Variants in EPN1 observed in about 807,000 individuals in gnomAD.
EPN1 encodes the protein epsin-1.
Under a neutral mutation model 56.9 loss-of-function variants are expected in EPN1, and 25 were observed. That is an observed-to-expected ratio of 0.44 (90% CI 0.32 to 0.61). EPN1 has a LOEUF of 0.61. Among genes scored for constraint, EPN1 ranks in the 20% least tolerant of loss-of-function variants. The probability of loss-of-function intolerance (pLI) is 0.05; values close to 1 mark genes in which losing one functional copy is unlikely to be tolerated. For missense variants in EPN1, 785 were observed against 823.7 expected (o/e 0.95, Z 0.58); for synonymous variants, 411 against 361.8 (o/e 1.14, Z -1.54).
At chr19:55,693,941 C>T (rs187134109) in intron 9 of EPN1, among the ~76,000 whole-genome samples, 69 of 152,210 alleles carry the variant, frequency 4.5e-4, no homozygotes, top group African/African-American at 1.5e-3. Context: ...TCAGGCCAGG[C>T]GCAATGGCTC....
rs1258093376 is a variant in EPN1 at position 55,708,341 on chromosome 19, TTG to T, written c.*12989_*12990del. The stretch of plus-strand genomic sequence containing the variant: ...AATTATGACAATGAAGTGTTTAATA[TTG>T]TGTTTTGAAATATAAACAGTGTAGA... On this transcript the variant is annotated 3_prime_UTR_variant, in exon 11 of 11. Coordinates refer to ENST00000270460, the MANE Select transcript of EPN1 (RefSeq NM_001130072.2). 3 of 152,240 alleles carry T rather than the reference TTG, an allele frequency of 2.0e-5. No homozygotes were observed. The highest frequency in any genetic ancestry group is 4.8e-5 in the African/African-American group (2 of 41,466). The allele number at this position is 152,240 out of a possible 1,614,324, so 9.4% of individuals were successfully genotyped here.
chr19:55,699,154 C>T lies in EPN1; in HGVS notation c.*3798C>T, dbSNP rs375097852. 2.0e-5 allele frequency: 3 copies of T among 152,284 alleles called. No individual in the cohort carries two copies. In the South Asian group the frequency reaches 6.2e-4, roughly 32 times the overall value. 9.4% of individuals were successfully genotyped at this position (152,284 alleles called of 1,614,324 possible). A position where few individuals can be genotyped will look rare whatever the true frequency, so the allele number is the denominator to read the frequency against. On this transcript the variant is annotated 3_prime_UTR_variant, in exon 11 of 11. Coordinates refer to ENST00000270460, the MANE Select transcript of EPN1 (RefSeq NM_001130072.2). Reference sequence around the variant, plus strand: ...ACATGTGCCATGTTGGTGTGCTGCACGCATTAACTCGTCATTTACATTAGG... The same window carrying T: ...ACATGTGCCATGTTGGTGTGCTGCATGCATTAACTCGTCATTTACATTAGG...
Position 55,691,124 on chromosome 19 carries a change from G to A in EPN1, c.763-630G>A, listed in dbSNP as rs139031971. Among the ~76,000 whole-genome samples, 27 of 152,326 alleles carry A rather than the reference G, an allele frequency of 1.8e-4. No homozygotes were observed. The East Asian group carries it at 4.6e-3, about 26-fold the overall frequency. The stretch of plus-strand genomic sequence containing the variant: ...GTCGTGTGCCCACTTCCAGAACACA[G>A]GACCATGCATGCGTGTGCGTGCGGC... On this transcript the variant is annotated intron_variant, in intron 6 of 10. Transcript: ENST00000270460. The surrounding 1 kb of genome is among the most constrained non-coding windows in gnomAD (Gnocchi z 5.6).
In EPN1 at chr19:55,703,473, G is replaced by C; in HGVS notation, c.*8117G>C. 6.6e-6 allele frequency: 1 copy of C among 152,068 alleles called. No individual in the cohort carries two copies. The highest frequency in any genetic ancestry group is 1.9e-4 in the East Asian group (1 of 5,180). The allele number at this position is 152,068 out of a possible 1,614,324, so 9.4% of individuals were successfully genotyped here. A position where few individuals can be genotyped will look rare whatever the true frequency, so the allele number is the denominator to read the frequency against. ...CAAGTAGCTGGGATTACAGGTGCCC[G>C]CCACCACGCCCAGCTAATTTTTGTA... On this transcript the variant is annotated 3_prime_UTR_variant, in exon 11 of 11. Transcript: ENST00000270460.
rs557591892 is a variant in EPN1, at chr19:55,708,840, G to T, written c.*13484G>T. On this transcript the variant is annotated 3_prime_UTR_variant, in exon 11 of 11. Transcript: ENST00000270460. Reference sequence around the variant, plus strand: ...TGCCATGATGTGCAATTACAGGATAGAGGTGCCAGGTGAAGGTCCCACTGT... The same window carrying T: ...TGCCATGATGTGCAATTACAGGATATAGGTGCCAGGTGAAGGTCCCACTGT... The T allele has an allele frequency of 2.9e-4, 311 of 1,060,406 alleles. No individual in the cohort carries two copies. The highest frequency in any genetic ancestry group is 4.1e-4 in the Non-Finnish European group (303 of 748,040). The allele number at this position is 1,060,406 out of a possible 1,614,324, so 65.7% of individuals were successfully genotyped here.
chr19:55,695,349 T>G lies in EPN1; in HGVS notation c.1724T>G (p.Leu575Arg). Residue 575 changes from leucine to arginine, a missense_variant, in exon 11 of 11, where the codon CTC (leucine) becomes CGC (arginine). By Grantham distance (102) the Leu-to-Arg change is moderately radical. Transcript: ENST00000270460. The surrounding 1 kb of genome is among the most constrained non-coding windows in gnomAD (Gnocchi z 4.4). ...GPPAPNTNPF[L>R]L ...CCGGCCCCCAACACTAATCCCTTCCTCCTATAATCCAGGGCGGAAGGGGGC... is the reference window on the plus strand; with the variant it reads ...CCGGCCCCCAACACTAATCCCTTCCGCCTATAATCCAGGGCGGAAGGGGGC... 6.8e-7 allele frequency: 1 copy of G among 1,475,744 alleles called. No homozygotes were observed. Among genetic ancestry groups the G allele is most frequent in the Non-Finnish European group, 9.2e-7 (1 of 1,091,688 alleles). 91.4% of individuals were successfully genotyped at this position (1,475,744 alleles called of 1,614,324 possible).
intron 7 of EPN1, 63 bp from the exon 8 acceptor site, chr19:55,692,623 T>C: frequency 9.0e-7 from 1 of 1,115,018 alleles, no homozygotes; most frequent in Non-Finnish European, 1.3e-6. Flanking sequence ...GAGGCAATGG[T>C]CCTCCCTAGC....
In EPN1 at chr19:55,689,984, T is replaced by G; in HGVS notation, c.762+34T>G. The stretch of plus-strand genomic sequence containing the variant: ...GGCTTGTTCTGCCCTCCCTGGCCCC[T>G]GCAGGTGTCCGTCCGTCCCATCGCT... On this transcript the variant is annotated intron_variant, in intron 6 of 10. Coordinates refer to ENST00000270460, the MANE Select transcript of EPN1 (RefSeq NM_001130072.2). This position sits in a 1 kb window ranked among gnomAD's most constrained non-coding sequence, Gnocchi z 5.7. The G allele has an allele frequency of 6.4e-7, 1 of 1,552,524 alleles. No homozygotes were observed. The highest frequency in any genetic ancestry group is 1.2e-5 in the South Asian group (1 of 83,900).
rs1409843242 is a variant in EPN1 at position 55,691,218 on chromosome 19, G to A, written c.763-536G>A. Among the ~76,000 whole-genome samples the A allele has an allele frequency of 6.6e-6, 1 of 152,106 alleles. No individual in the cohort carries two copies. The highest frequency in any genetic ancestry group is 1.9e-4 in the East Asian group (1 of 5,186). On this transcript the variant is annotated intron_variant, in intron 6 of 10. Coordinates refer to ENST00000270460, the MANE Select transcript of EPN1 (RefSeq NM_001130072.2). This position sits in a 1 kb window ranked among gnomAD's most constrained non-coding sequence, Gnocchi z 5.6. ...CAATGGGCGTGGGAAGGCCTGCAGCGCGATGACTGCGGGGTGACGGCGGGG... is the reference window on the plus strand; with the variant it reads ...CAATGGGCGTGGGAAGGCCTGCAGCACGATGACTGCGGGGTGACGGCGGGG...
intron 1 of EPN1, chr19:55,677,046 G>A: frequency 1.4e-6 from 2 of 1,470,288 alleles, no homozygotes; most frequent in Non-Finnish European, 1.8e-6. Flanking sequence ...CTGTCTTCAG[G>A]TGCCTGGCTT....
rs1263193708 is a variant in EPN1 at position 55,692,674 on chromosome 19, G to C, written c.1067-12G>C. 4 of 1,518,260 alleles carry C rather than the reference G, an allele frequency of 2.6e-6. No homozygotes were observed. In the Admixed American group the frequency reaches 6.2e-5, roughly 24 times the overall value. 94.0% of individuals were successfully genotyped at this position (1,518,260 alleles called of 1,614,324 possible). ...GGTTGCCAGCCCCTCATGCTCTTCTGTCCTCACCCAGGTGGGGTCCCGGTC... is the reference window on the plus strand; with the variant it reads ...GGTTGCCAGCCCCTCATGCTCTTCTCTCCTCACCCAGGTGGGGTCCCGGTC... On this transcript the variant is annotated splice_polypyrimidine_tract_variant and intron_variant, in intron 7 of 10. Transcript: ENST00000270460.
chr19:55,689,229 C>A lies in EPN1; in HGVS notation c.604-68C>A, dbSNP rs1986372351. 2.3e-6 allele frequency: 3 copies of A among 1,278,184 alleles called. No homozygotes were observed. Among genetic ancestry groups the A allele is most frequent in the Non-Finnish European group, 3.3e-6 (3 of 900,684 alleles). 79.2% of individuals were successfully genotyped at this position (1,278,184 alleles called of 1,614,324 possible). On this transcript the variant is annotated intron_variant, in intron 4 of 10. Transcript: ENST00000270460. The surrounding 1 kb of genome is among the most constrained non-coding windows in gnomAD (Gnocchi z 5.7). ...CCTCTCTTTCTTCGGCTCTATCTGA[C>A]CCTGGCTCTGCCTCTGACTCTGCCT...
chr19:55,706,961 G>T lies in EPN1; in HGVS notation c.*11605G>T, dbSNP rs1335326342. The T allele has an allele frequency of 1.3e-5, 2 of 152,158 alleles. No homozygotes were observed. Among genetic ancestry groups the T allele is most frequent in the African/African-American group, 4.8e-5 (2 of 41,382 alleles). 9.4% of individuals were successfully genotyped at this position (152,158 alleles called of 1,614,324 possible). ...AGGCCGAGGCAGGCGGATTACCTCA[G>T]GTCAGGAGTTTGAGACCAGCCTGAC... On this transcript the variant is annotated 3_prime_UTR_variant, in exon 11 of 11. Transcript: ENST00000270460.
At position 55,691,978 on chromosome 19, in the gene EPN1, C is replaced by T. The variant is rs1986587231; in HGVS notation, c.987C>T (p.Pro329=). The T allele has an allele frequency of 6.7e-7, 1 of 1,500,402 alleles. No homozygotes were observed. Among genetic ancestry groups the T allele is most frequent in the East Asian group, 2.4e-5 (1 of 42,522 alleles). 92.9% of individuals were successfully genotyped at this position (1,500,402 alleles called of 1,614,324 possible). ...DPWRPAAPAG[P]SVDPWGGTPA... Reference sequence around the variant, plus strand: ...GGAGGCCTGCTGCCCCTGCAGGACCCTCAGTTGACCCTTGGGGTGGGACCC... The same window carrying T: ...GGAGGCCTGCTGCCCCTGCAGGACCTTCAGTTGACCCTTGGGGTGGGACCC... The change falls in exon 7 of 11, where the codon CCC becomes CCT. Residue 329 remains proline, a synonymous_variant. Transcript: ENST00000270460. The surrounding 1 kb of genome is among the most constrained non-coding windows in gnomAD (Gnocchi z 5.6).
intron 2 of EPN1, among the ~76,000 whole-genome samples, chr19:55,679,136 C>T (rs1985634666): frequency 6.6e-6 from 1 of 152,226 alleles, no homozygotes; most frequent in Admixed American, 6.5e-5. Context: ...TGTGCCCAGA[C>T]ACCCAGTTCC....
chr19:55,705,088 C>T lies in EPN1; in HGVS notation c.*9732C>T, dbSNP rs1304739667. On this transcript the variant is annotated 3_prime_UTR_variant, in exon 11 of 11. Transcript: ENST00000270460. ...GAATGTGCTACTCAAGCCACTCAGC[C>T]TGGGCTGCAGAGGTTGGAAGCCTCA... The T allele has an allele frequency of 1.3e-5, 2 of 152,252 alleles. No homozygotes were observed. The highest frequency in any genetic ancestry group is 4.8e-5 in the African/African-American group (2 of 41,464). The allele number at this position is 152,252 out of a possible 1,614,324, so 9.4% of individuals were successfully genotyped here.
chr19:55,687,496 G>A (rs1986246527), intron 3 of EPN1, among the ~76,000 whole-genome samples: 1 of 152,122 alleles, frequency 6.6e-6, no homozygotes, highest in Admixed American at 6.5e-5. Flanking sequence ...CACCAGGCTG[G>A]GGGGTTAGGG....
At position 55,678,851 on chromosome 19, in the gene EPN1, A is replaced by G; in HGVS notation, c.224A>G (p.Tyr75Cys). The change falls in exon 2 of 11, where the codon TAC (tyrosine) becomes TGC (cysteine). Residue 75 changes from tyrosine to cysteine, a missense_variant. By Grantham distance (194) the Tyr-to-Cys change is radical. Around this residue, in one of 2 missense-constraint regions of EPN1, gnomAD observed 135 missense variants for 218.7 expected, o/e 0.62. Transcript: ENST00000270460. The part of the protein sequence containing the change: ...NDHGKNWRHV[Y>C]KAMTLMEYLI... ...CATGGCAAGAACTGGCGTCACGTTT[A>G]CAAGGTCAGCATCCTGCTCTCCTCC... The G allele has an allele frequency of 6.2e-7, 1 of 1,606,470 alleles. No homozygotes were observed. Among genetic ancestry groups the G allele is most frequent in the Non-Finnish European group, 8.5e-7 (1 of 1,174,704 alleles).
chr19:55,689,818 C>T lies in EPN1; in HGVS notation c.679-49C>T. 6.5e-7 allele frequency: 1 copy of T among 1,543,664 alleles called. No individual in the cohort carries two copies. The highest frequency in any genetic ancestry group is 8.8e-7 in the Non-Finnish European group (1 of 1,137,678). On this transcript the variant is annotated intron_variant, in intron 5 of 10. Coordinates refer to ENST00000270460, the MANE Select transcript of EPN1 (RefSeq NM_001130072.2). This position sits in a 1 kb window ranked among gnomAD's most constrained non-coding sequence, Gnocchi z 5.7. ...GCTTCCAGGCTGAGGTGGCATCTGCCCGTGGCTCACGTTCTCATGTCTCCC... is the reference window on the plus strand; with the variant it reads ...GCTTCCAGGCTGAGGTGGCATCTGCTCGTGGCTCACGTTCTCATGTCTCCC...
Sources: gnomAD v4.1 joint callset for allele counts (sites outside exome capture counted in the v4.1 genomes callset) on GRCh38, gnomAD v4.1.1 for gene constraint, gnomAD v4.1.1 regional missense constraint, Gnocchi (gnomAD v3.1) non-coding constraint, MANE v1.5 for transcripts, NCBI Gene and HGNC (gene_info 2026-07-23, HGNC 2026-07-21) for gene names.